The following SLC39A10 variants were observed in gnomAD, a reference collection of about 807,000 sequenced individuals.
SLC39A10 encodes the protein solute carrier family 39 member 10.
In SLC39A10, 13 loss-of-function variants were observed where a neutral mutation model predicts 65.1. The observed-to-expected ratio is 0.20, with a 90% CI of 0.13 to 0.32. The LOEUF is 0.32. SLC39A10 is among the 10% of genes least tolerant of loss of function. The pLI is 1.00. For missense variants in SLC39A10, 831 were observed against 1,018.4 expected (o/e 0.82, Z 2.50); for synonymous variants, 321 against 342.2 (o/e 0.94, Z 0.68).
chr2:195,709,049 G>A (rs1691508485), intron 5 of SLC39A10, among the ~76,000 whole-genome samples: 1 of 152,104 alleles, frequency 6.6e-6, no homozygotes, highest in African/African-American at 2.4e-5. Context: ...TTTTGAGACA[G>A]GGTCTCCCTC....
chr2:195,717,517 G>T (rs1369996555), intron 7 of SLC39A10: 1 of 152,266 alleles, frequency 6.6e-6, no homozygotes, highest in Non-Finnish European at 1.5e-5. Context: ...GACTCTTTTA[G>T]CACCCAGAAG....
At chr2:195,654,507 T>C (rs1689107997), upstream of SLC39A10, among the ~76,000 whole-genome samples, 1 of 152,188 alleles carries the variant, frequency 6.6e-6, no homozygotes, top group East Asian at 1.9e-4. Flanking sequence ...AAATTTTAGA[T>C]ATGTGAACTA....
At chr2:195,711,926 ATCATTATTTTCC>A (rs1691613914) in intron 5 of SLC39A10, among the ~76,000 whole-genome samples, 1 of 151,250 alleles carries the variant, frequency 6.6e-6, no homozygotes, top group Admixed American at 6.6e-5. Flanking sequence ...ACTTGTCCGT[ATCATTATTTTCC>A]TGTGAATGTC....
At chr2:195,630,548 G>A (rs574852575) in intron 2 of SLC39A10, among the ~76,000 whole-genome samples, 1 of 152,308 alleles carries the variant, frequency 6.6e-6, no homozygotes, top group Admixed American at 6.5e-5. Context: ...TAATCAGAAA[G>A]TCGGGGAAAC....
rs878873641 is a variant in SLC39A10 at position 195,680,687 on chromosome 2, A to G, written c.645A>G (p.Thr215=). 1 of 1,614,160 alleles carries G rather than the reference A, an allele frequency of 6.2e-7. No homozygotes were observed. Among genetic ancestry groups the G allele is most frequent in the Non-Finnish European group, 8.5e-7 (1 of 1,180,022 alleles). ...GGGAGCCTAGCAATGAACCTTCAAC[A>G]GAGACCAATAAAACCCAGGAACAAT... is the stretch of plus-strand genomic sequence containing the variant. ...ERGEPSNEPS[T]ETNKTQEQSD... The change falls in exon 2 of 10, where the codon ACA becomes ACG. Residue 215 remains threonine (T), a synonymous_variant. Coordinates refer to ENST00000359634, the MANE Select transcript of SLC39A10 (RefSeq NM_020342.3).
At chr2:195,712,838 T>C (rs1691647440) in intron 5 of SLC39A10, among the ~76,000 whole-genome samples, 1 of 152,228 alleles carries the variant, frequency 6.6e-6, no homozygotes, top group Non-Finnish European at 1.5e-5. Context: ...TTGTCTTTAC[T>C]ATAAGACTAC....
At chr2:195,727,378 C>T (rs1692280968) in intron 8 of SLC39A10, among the ~76,000 whole-genome samples, 1 of 152,166 alleles carries the variant, frequency 6.6e-6, no homozygotes, top group African/African-American at 2.4e-5. Flanking sequence ...TAATAAGAAC[C>T]TGGCATTTGC....
At chr2:195,663,219 C>T (rs1018476029) in intron 1 of SLC39A10, among the ~76,000 whole-genome samples, 1 of 152,144 alleles carries the variant, frequency 6.6e-6, no homozygotes, top group Non-Finnish European at 1.5e-5. Flanking sequence ...TTCCCCTTTC[C>T]CTCCTATCTT....
At position 195,702,990 on chromosome 2, in the gene SLC39A10, A is replaced by G. The variant is rs188963913; in HGVS notation, c.1217-3626A>G. 1.2e-3 allele frequency among the ~76,000 whole-genome samples: 183 copies of G among 152,314 alleles called. 4 individuals are homozygous for G. The highest frequency in any genetic ancestry group is 4.1e-3 in the African/African-American group (172 of 41,570). The stretch of plus-strand genomic sequence containing the variant: ...CTAGACTAATAAATTCCATGATCAG[A>G]TAAGTTGGGAAAATGCTGCATATTG... On this transcript the variant is annotated intron_variant, in intron 3 of 9. Transcript: ENST00000359634.
intron 6 of SLC39A10, among the ~76,000 whole-genome samples, chr2:195,715,574 A>G (rs2105824964): frequency 6.6e-6 from 1 of 151,928 alleles, no homozygotes; most frequent in East Asian, 1.9e-4. Flanking sequence ...TAATACTGAC[A>G]TCTTTTAAAC....
chr2:195,704,682 T>C (rs1574292778), intron 3 of SLC39A10, among the ~76,000 whole-genome samples: 1 of 152,330 alleles, frequency 6.6e-6, no homozygotes, highest in East Asian at 1.9e-4. Flanking sequence ...TGAGCATATA[T>C]TTTTTCTTTC....
intron 9 of SLC39A10, among the ~76,000 whole-genome samples, chr2:195,733,251 G>A (rs931116743): frequency 3.3e-5 from 5 of 152,056 alleles, no homozygotes; most frequent in African/African-American, 1.2e-4. Flanking sequence ...TGTCCCAGAG[G>A]GTAGCATATC....
chr2:195,675,565 C>T (rs760383146), intron 1 of SLC39A10, among the ~76,000 whole-genome samples: 43 of 152,058 alleles, frequency 2.8e-4, no homozygotes, highest in Admixed American at 2.0e-4. Context: ...CCGAGTAGCT[C>T]GTACTACAGG....
chr2:195,629,841 C>T (rs1688547670), intron 2 of SLC39A10, among the ~76,000 whole-genome samples: 1 of 152,156 alleles, frequency 6.6e-6, no homozygotes, highest in South Asian at 2.1e-4. Context: ...AGCAATCCTG[C>T]TTCAACCTCT....
intron 3 of SLC39A10, among the ~76,000 whole-genome samples, chr2:195,692,037 G>T (rs1690762770): frequency 6.6e-6 from 1 of 152,170 alleles, no homozygotes; most frequent in African/African-American, 2.4e-5. Flanking sequence ...TAAGGTGAGA[G>T]CTGAGGATCC....
intron 1 of SLC39A10, among the ~76,000 whole-genome samples, chr2:195,662,123 C>T (rs1181719258): frequency 6.6e-6 from 1 of 152,052 alleles, no homozygotes; most frequent in East Asian, 1.9e-4. Context: ...CTGTGAACTA[C>T]GAAGGAGGTT....
intron 9 of SLC39A10, among the ~76,000 whole-genome samples, chr2:195,731,390 C>T (rs1429388178): frequency 6.6e-6 from 1 of 152,138 alleles, no homozygotes; most frequent in East Asian, 1.9e-4. Context: ...ATTTCATATC[C>T]TCTATCCCTG....
Position 195,682,515 on chromosome 2 carries a change from C to A in SLC39A10, c.1009-1184C>A, listed in dbSNP as rs974118210. Among the ~76,000 whole-genome samples the A allele has an allele frequency of 4.0e-5, 6 of 151,538 alleles. No homozygotes were observed. The East Asian group carries it at 7.7e-4, about 19-fold the overall frequency. ...CTATATTGCCCAGACTGGTCTCAAA[C>A]TCCTCGCCTCAAGTAGTTCTCCAGC... On this transcript the variant is annotated intron_variant, in intron 2 of 9. Transcript: ENST00000359634.
At chr2:195,691,538 G>T (rs1690739399) in intron 3 of SLC39A10, among the ~76,000 whole-genome samples, 1 of 151,938 alleles carries the variant, frequency 6.6e-6, no homozygotes. Flanking sequence ...TTATTTTTTG[G>T]TTTTTTGATT....
Sources: gnomAD v4.1 joint callset for allele counts (sites outside exome capture counted in the v4.1 genomes callset) on GRCh38, gnomAD v4.1.1 for gene constraint, MANE v1.5 for transcripts, NCBI Gene and HGNC (gene_info 2026-07-23, HGNC 2026-07-21) for gene names.